TRPM3: variants seen among roughly 807,000 people sequenced by gnomAD.
TRPM3 encodes transient receptor potential cation channel subfamily M member 3.
A neutral mutation model predicts 181.2 loss-of-function variants in TRPM3; 77 were observed. That is an observed-to-expected ratio of 0.42 (90% confidence interval 0.35 to 0.51). The LOEUF is 0.51. TRPM3 is among the 20% of genes least tolerant of loss of function. TRPM3 has a pLI of 0.01. For synonymous variants in TRPM3, 745 were observed against 796.4 expected (o/e 0.94, Z 1.09); for missense variants, 1,759 against 2,196.7 (o/e 0.80, Z 3.98).
chr9:71,145,616 A>C (rs751347178), intron 1 of TRPM3, among the ~76,000 whole-genome samples: 1 of 152,144 alleles, frequency 6.6e-6, no homozygotes, highest in Non-Finnish European at 1.5e-5. Context: ...CTATTTTCTC[A>C]TGTAAAATCC....
intron 1 of TRPM3, among the ~76,000 whole-genome samples, chr9:71,033,334 A>G (rs1348959135): frequency 6.6e-6 from 1 of 152,230 alleles, no homozygotes; most frequent in Non-Finnish European, 1.5e-5. Context: ...TCTTCACTTA[A>G]TGTCATAGAT....
At chr9:70,962,355 G>A (rs2097144575) in intron 1 of TRPM3, among the ~76,000 whole-genome samples, 1 of 152,056 alleles carries the variant, frequency 6.6e-6, no homozygotes, top group Non-Finnish European at 1.5e-5. Context: ...GGATCTGCCT[G>A]TATCACGGGC....
intron 20 of TRPM3, among the ~76,000 whole-genome samples, chr9:70,602,506 GA>G (rs2060238852): frequency 6.6e-6 from 1 of 152,162 alleles, no homozygotes; most frequent in Non-Finnish European, 1.5e-5. Flanking sequence ...ATTTCTTCCA[GA>G]AAGGGCCTGT....
chr9:70,943,369 C>T (rs1444094370), intron 1 of TRPM3, among the ~76,000 whole-genome samples: 1 of 152,222 alleles, frequency 6.6e-6, no homozygotes, highest in Admixed American at 6.5e-5. Context: ...TTACCCATGA[C>T]ATACAATACA....
intron 1 of TRPM3, among the ~76,000 whole-genome samples, chr9:71,346,565 A>G (rs2091305323): frequency 1.3e-5 from 2 of 152,232 alleles, no homozygotes; most frequent in Non-Finnish European, 2.9e-5. Context: ...AAAACAAAAG[A>G]TAAAAAGAAT....
At chr9:71,332,376 G>GGGGT (rs566139399) in intron 1 of TRPM3, among the ~76,000 whole-genome samples, 4 of 142,248 alleles carry the variant, frequency 2.8e-5, no homozygotes, top group Non-Finnish European at 4.7e-5. Flanking sequence ...TTCAATGTTG[G>GGGGT]GTGTGTGTGT....
chr9:70,542,351 ATGCTATG>A (rs2043645528), intron 25 of TRPM3, among the ~76,000 whole-genome samples: 1 of 152,212 alleles, frequency 6.6e-6, no homozygotes, highest in African/African-American at 2.4e-5. Flanking sequence ...AGAGGAAGAG[ATGCTATG>A]AGAGGAACTC....
At chr9:71,025,047 C>T (rs1161809146) in intron 1 of TRPM3, among the ~76,000 whole-genome samples, 1 of 152,130 alleles carries the variant, frequency 6.6e-6, no homozygotes, top group African/African-American at 2.4e-5. Context: ...TACAACATAC[C>T]ATTGTAATGT....
intron 1 of TRPM3, among the ~76,000 whole-genome samples, chr9:71,424,850 A>G (rs965528479): frequency 3.9e-5 from 6 of 152,122 alleles, no homozygotes; most frequent in Admixed American, 1.3e-4. Flanking sequence ...AAAAGATTCA[A>G]TGTACACACT....
intron 9 of TRPM3, among the ~76,000 whole-genome samples, chr9:70,642,901 A>C (rs2058278831): frequency 6.6e-6 from 1 of 152,186 alleles, no homozygotes; most frequent in Non-Finnish European, 1.5e-5. Context: ...ACCAGCTCCC[A>C]GGTGAGGCCG....
chr9:70,930,734 C>G lies in TRPM3; in HGVS notation c.178-66223G>C, dbSNP rs187038267. Among the ~76,000 whole-genome samples, 444 of 152,176 alleles carry G rather than the reference C, an allele frequency of 2.9e-3. 2 individuals carry two copies. The highest frequency in any genetic ancestry group is 0.01 in the African/African-American group (430 of 41,536). On this transcript the variant is annotated intron_variant, in intron 1 of 25. Coordinates refer to ENST00000677713, the MANE Select transcript of TRPM3 (RefSeq NM_001366145.2). ...AAATTATGATCCAAATTCAATTATCCTCAATATCAAAAGTGATATCCTTAA... is the reference window on the plus strand; with the variant it reads ...AAATTATGATCCAAATTCAATTATCGTCAATATCAAAAGTGATATCCTTAA...
rs201672495 is a variant in TRPM3, at chr9:70,620,194, C to T, written c.2011G>A (p.Gly671Ser). ...AGGGCCTTGGCCATGGCCTCCTCAC[C>T]GTGCTGCCAGAAGAACAGGGCCATC... is the stretch of plus-strand genomic sequence containing the variant. ...QKMALFFWQHGEEAMAKALVA... is the reference protein window; with the variant it reads ...QKMALFFWQHSEEAMAKALVA... The change falls in exon 16 of 26, where the codon GGT (glycine) becomes AGT (serine). Residue 671 changes from glycine (G) to serine (S), a missense_variant. By Grantham distance (56) the Gly-to-Ser change is moderately conservative. This residue lies in a region of TRPM3 where 737 missense variants were observed against 957.4 expected (regional missense o/e 0.77). Transcript: ENST00000677713. 163 of 1,614,120 alleles carry T rather than the reference C, an allele frequency of 1.0e-4. 1 individual carries two copies. The highest frequency in any genetic ancestry group is 1.3e-4 in the Admixed American group (8 of 60,014).
intron 1 of TRPM3, among the ~76,000 whole-genome samples, chr9:70,929,897 T>G (rs2096758643): frequency 6.6e-6 from 1 of 152,202 alleles, no homozygotes; most frequent in South Asian, 2.1e-4. Flanking sequence ...CTTCAGCCTG[T>G]TAGAAGACAG....
intron 1 of TRPM3, among the ~76,000 whole-genome samples, chr9:71,278,930 C>A (rs1243199084): frequency 6.6e-6 from 1 of 151,796 alleles, no homozygotes. Flanking sequence ...CAATGATAAT[C>A]AAAGAAATGC....
chr9:70,787,794 AT>A (rs1377058706), intron 6 of TRPM3, among the ~76,000 whole-genome samples: 4 of 56,870 alleles, frequency 7.0e-5, no homozygotes, highest in Non-Finnish European at 1.0e-4. Context: ...TTTGCTTTTT[AT>A]TTTTTTATTT....
chr9:70,813,377 T>C lies in TRPM3; in HGVS notation c.973+14470A>G, dbSNP rs367932713. Among the ~76,000 whole-genome samples, 196 of 152,000 alleles carry C rather than the reference T, an allele frequency of 1.3e-3. 2 individuals carry two copies. In the South Asian group the frequency reaches 0.024, roughly 18 times the overall value. On this transcript the variant is annotated intron_variant, in intron 6 of 25. Transcript: ENST00000677713. ...GTCCTCTGTAGCAACATGGATATAG[T>C]TGAAGTTGGAGTCATTATCCTAGGC...
At chr9:70,911,595 A>C (rs114084803) in intron 1 of TRPM3, among the ~76,000 whole-genome samples, 1 of 152,288 alleles carries the variant, frequency 6.6e-6, no homozygotes, top group South Asian at 2.1e-4. Flanking sequence ...TGCCTCATGT[A>C]TATTCTTTAT....
chr9:71,265,326 T>C (rs988180490), intron 1 of TRPM3, among the ~76,000 whole-genome samples: 1 of 152,224 alleles, frequency 6.6e-6, no homozygotes, highest in Non-Finnish European at 1.5e-5. Flanking sequence ...GACATTAACT[T>C]AAGTTCCTTA....
chr9:70,572,164 T>A (rs1350196373), intron 22 of TRPM3, among the ~76,000 whole-genome samples: 2 of 151,584 alleles, frequency 1.3e-5, no homozygotes, highest in Non-Finnish European at 2.9e-5. Flanking sequence ...TGATTTTAAA[T>A]CTTTAGAAAA....
Sources: gnomAD v4.1 joint callset for allele counts (sites outside exome capture counted in the v4.1 genomes callset) on GRCh38, gnomAD v4.1.1 for gene constraint, gnomAD v4.1.1 regional missense constraint, MANE v1.5 for transcripts, NCBI Gene and HGNC (gene_info 2026-07-23, HGNC 2026-07-21) for gene names.